ANKRD30B: variants seen among roughly 807,000 people sequenced by gnomAD.
ANKRD30B encodes ankyrin repeat domain 30B.
In ANKRD30B, 144 loss-of-function variants were observed where a neutral mutation model predicts 202.2. The observed-to-expected ratio is 0.71, with a 90% CI of 0.62 to 0.82. ANKRD30B has a LOEUF of 0.82. Among genes scored for constraint, ANKRD30B ranks in the 40% least tolerant of loss-of-function variants. ANKRD30B has a pLI of 0.00. For missense variants in ANKRD30B, 1,487 were observed against 1,669.1 expected (o/e 0.89, Z 1.90); for synonymous variants, 508 against 561.3 (o/e 0.91, Z 1.34).
At chr18:14,897,929 T>G in the ANKRD30B span, among the ~76,000 whole-genome samples, 1 of 152,212 alleles carries the variant, frequency 6.6e-6, no homozygotes, top group African/African-American at 2.4e-5. Flanking sequence ...AACTCCTAAT[T>G]GCCAAATCCA....
chr18:14,771,481 C>A (rs12966326), intron 8 of ANKRD30B, among the ~76,000 whole-genome samples: 86,918 of 151,190 alleles, frequency 0.57, 25,255 homozygotes, highest in African/African-American at 0.66. Context: ...GTTAGACTTT[C>A]TTACTTTTAA....
chr18:14,807,448 T>C (rs2144036309), intron 24 of ANKRD30B, among the ~76,000 whole-genome samples: 1 of 149,820 alleles, frequency 6.7e-6, no homozygotes, highest in Admixed American at 6.6e-5. Context: ...TCAATAACCA[T>C]TATTCTAACA....
the ANKRD30B span, among the ~76,000 whole-genome samples, chr18:14,870,602 C>G: frequency 6.6e-6 from 1 of 152,118 alleles, no homozygotes; most frequent in Admixed American, 6.5e-5. Context: ...GTCACCTGGC[C>G]ACCCATTCCT....
intron 9 of ANKRD30B, among the ~76,000 whole-genome samples, chr18:14,777,606 G>T (rs554423060): frequency 1.3e-5 from 2 of 151,540 alleles, no homozygotes; most frequent in East Asian, 1.9e-4. Flanking sequence ...CCATAAAAAA[G>T]ATTTTAAATA....
Position 14,752,851 on chromosome 18 carries a change from G to A in ANKRD30B, c.349G>A (p.Glu117Lys), listed in dbSNP as rs559142364. ...RTPLMKALQC[E>K]REACANILID... ...TTAATACTGACAGGCTCTACAATGC[G>A]AGAGGGAGGCTTGTGCAAATATTCT... is the stretch of plus-strand genomic sequence containing the variant. The change falls in exon 3 of 44, where the codon GAG (glutamate) becomes AAG (lysine). Residue 117 changes from glutamate (E) to lysine (K), a missense_variant. This residue lies in a region of ANKRD30B where 889 missense variants were observed against 841.4 expected (regional missense o/e 1.06). Coordinates refer to ENST00000690538, the MANE Select transcript of ANKRD30B (RefSeq NM_001367607.2). The A allele has an allele frequency of 8.1e-6, 13 of 1,609,000 alleles. No individual in the cohort carries two copies. The highest frequency in any genetic ancestry group is 4.0e-5 in the African/African-American group (3 of 74,652).
At chr18:14,822,418 A>C (rs1373293466) in intron 30 of ANKRD30B, 65 bp from the exon 31 acceptor site, 26 of 928,172 alleles carry the variant, frequency 2.8e-5, no homozygotes, top group Non-Finnish European at 4.3e-5. Flanking sequence ...TTCACACTGC[A>C]TGAATGTTTG....
intron 30 of ANKRD30B, among the ~76,000 whole-genome samples, chr18:14,820,135 G>C (rs1459824007): frequency 3.3e-5 from 5 of 152,184 alleles, no homozygotes; most frequent in Admixed American, 3.3e-4. Flanking sequence ...TTGTGAATGG[G>C]AGTTCACTCA....
intron 14 of ANKRD30B, among the ~76,000 whole-genome samples, chr18:14,784,780 GT>G: frequency 6.6e-6 from 1 of 152,054 alleles, no homozygotes. Context: ...AAACTGTAAT[GT>G]TTTCTATTTT....
At chr18:14,933,181 G>T in the ANKRD30B span, among the ~76,000 whole-genome samples, 1 of 152,164 alleles carries the variant, frequency 6.6e-6, no homozygotes, top group Non-Finnish European at 1.5e-5. Context: ...GGTCTTACCA[G>T]GTGCATCTGT....
chr18:14,876,670 G>A, the ANKRD30B span, among the ~76,000 whole-genome samples: 1 of 152,166 alleles, frequency 6.6e-6, no homozygotes, highest in African/African-American at 2.4e-5. Flanking sequence ...CAGAGAGAAA[G>A]GCATCATCTA....
chr18:14,887,617 G>A, the ANKRD30B span, among the ~76,000 whole-genome samples: 1 of 151,818 alleles, frequency 6.6e-6, no homozygotes, highest in South Asian at 2.1e-4. Context: ...CCCAAGTGCT[G>A]TGTGCTAGAC....
intron 11 of ANKRD30B, among the ~76,000 whole-genome samples, chr18:14,781,773 T>C (rs1442712636): frequency 6.6e-6 from 1 of 152,174 alleles, no homozygotes; most frequent in Admixed American, 6.5e-5. Context: ...CTGAGTTCTG[T>C]GAACAGTTGC....
In ANKRD30B at chr18:14,791,509, A is replaced by T. The variant is rs944256478; in HGVS notation, c.1825+18A>T. The T allele has an allele frequency of 8.2e-6, 13 of 1,581,644 alleles. No homozygotes were observed. Among genetic ancestry groups the T allele is most frequent in the East Asian group, 2.2e-5 (1 of 44,464 alleles). On this transcript the variant is annotated intron_variant, in intron 16 of 43. Transcript: ENST00000690538. ...ATTAGAAGGTAAGAACCATTTTTTAATTAAAAAGTCATTTGACCAAATATT... is the reference window on the plus strand; with the variant it reads ...ATTAGAAGGTAAGAACCATTTTTTATTTAAAAAGTCATTTGACCAAATATT...
chr18:14,904,929 C>T, the ANKRD30B span, among the ~76,000 whole-genome samples: 7 of 152,186 alleles, frequency 4.6e-5, no homozygotes, highest in African/African-American at 1.7e-4. Context: ...TTCTTAAACT[C>T]ACAAGATGAG....
chr18:14,788,235 TAA>T (rs1968215444), intron 15 of ANKRD30B, among the ~76,000 whole-genome samples: 1 of 152,188 alleles, frequency 6.6e-6, no homozygotes, highest in Admixed American at 6.5e-5. Context: ...GACTACAATA[TAA>T]GTTAGATATT....
intron 9 of ANKRD30B, among the ~76,000 whole-genome samples, chr18:14,776,677 G>A (rs570201914): frequency 6.6e-6 from 1 of 152,264 alleles, no homozygotes; most frequent in Non-Finnish European, 1.5e-5. Flanking sequence ...GATGTTTCAC[G>A]AACACGTTTT....
At chr18:14,808,366 T>C in intron 24 of ANKRD30B, 185 bp from the exon 25 acceptor site, 1 of 657,596 alleles carries the variant, frequency 1.5e-6, no homozygotes, top group Non-Finnish European at 2.8e-6. Flanking sequence ...TTTTAAATTT[T>C]CTTAAGTATA....
chr18:14,755,508 C>T (rs893548093), intron 4 of ANKRD30B, among the ~76,000 whole-genome samples: 13 of 151,962 alleles, frequency 8.6e-5, no homozygotes, highest in African/African-American at 3.1e-4. Flanking sequence ...ATTAACTCGT[C>T]ATTTAGCATT....
intron 5 of ANKRD30B, among the ~76,000 whole-genome samples, chr18:14,758,874 C>T (rs1231435508): frequency 6.6e-6 from 1 of 152,168 alleles, no homozygotes; most frequent in Non-Finnish European, 1.5e-5. Context: ...ATTCCTGGCA[C>T]TTTATATCCC....
Sources: gnomAD v4.1 joint callset for allele counts (sites outside exome capture counted in the v4.1 genomes callset) on GRCh38, gnomAD v4.1.1 for gene constraint, gnomAD v4.1.1 regional missense constraint, MANE v1.5 for transcripts, NCBI Gene and HGNC (gene_info 2026-07-23, HGNC 2026-07-21) for gene names.